The following RNF40 variants were observed in gnomAD, a reference collection of about 807,000 sequenced individuals.
RNF40 encodes the protein E3 ubiquitin-protein ligase BRE1B.
In RNF40, 39 loss-of-function variants were observed where a neutral mutation model predicts 123.3. The observed-to-expected ratio is 0.32, with a 90% CI of 0.24 to 0.41. RNF40 has a LOEUF of 0.41. Ranked by LOEUF, RNF40 falls within the 10% of genes least tolerant of loss-of-function variation. The pLI is 1.00. For synonymous variants in RNF40, 538 were observed against 526.0 expected, an observed-to-expected ratio of 1.02 and a Z score of -0.31; for missense variants, 1,003 against 1,319.9, an observed-to-expected ratio of 0.76 and a Z score of 3.72.
At position 30,768,226 on chromosome 16, in the gene RNF40, G is replaced by T; in HGVS notation, c.1675G>T (p.Asp559Tyr). The T allele has an allele frequency of 6.2e-7, 1 of 1,613,790 alleles. No individual in the cohort carries two copies. Among genetic ancestry groups the T allele is most frequent in the Non-Finnish European group, 8.5e-7 (1 of 1,180,020 alleles). ...EGGPGPVSTP[D>Y]NRKEMAPVPG... ...TGGGCCAGGCCCTGTCAGTACCCCCGACAACAGAAAGGAGATGGCTCCAGT... is the reference window on the plus strand; with the variant it reads ...TGGGCCAGGCCCTGTCAGTACCCCCTACAACAGAAAGGAGATGGCTCCAGT... The change falls in exon 13 of 20, where the codon GAC becomes TAC. Residue 559 changes from aspartate (D) to tyrosine (Y), a missense_variant. This residue lies in a region of RNF40 where 295 missense variants were observed against 331.7 expected (regional missense o/e 0.89). Transcript: ENST00000324685. The surrounding 1 kb of genome is among the most constrained non-coding windows in gnomAD (Gnocchi z 4.1).
At chr16:30,761,859 GC>G (rs1263393100), upstream of RNF40, 2 of 1,065,762 alleles carry the variant, frequency 1.9e-6, no homozygotes, top group South Asian at 3.5e-5. Flanking sequence ...CCTCGCTCCG[GC>G]CAATCTACGC....
At chr16:30,765,103 G>C in intron 6 of RNF40, 44 bp downstream of exon 6, 1 of 1,611,658 alleles carries the variant, frequency 6.2e-7, no homozygotes, top group South Asian at 1.1e-5. Context: ...AATCAGGCAG[G>C]ATTTGGGTTA....
intron 17 of RNF40, among the ~76,000 whole-genome samples, chr16:30,771,402 G>A (rs1382468342): frequency 6.6e-6 from 1 of 151,976 alleles, no homozygotes; most frequent in Non-Finnish European, 1.5e-5. Flanking sequence ...CAGATCATGA[G>A]GTCAGGAGAT....
At chr16:30,765,622 T>C in intron 8 of RNF40, 123 bp downstream of exon 8, 2 of 823,852 alleles carry the variant, frequency 2.4e-6, no homozygotes, top group East Asian at 2.7e-5. Context: ...CCTGCTGCTC[T>C]TTTTTTCATG....
At chr16:30,765,597 C>A (rs2054013634) in intron 8 of RNF40, 98 bp downstream of exon 8, 4 of 1,089,114 alleles carry the variant, frequency 3.7e-6, no homozygotes, top group Admixed American at 4.1e-5. Context: ...ATCTCTGAGG[C>A]CCTTCCTGGT....
At chr16:30,770,145 C>T (rs954143650) in intron 17 of RNF40, among the ~76,000 whole-genome samples, 2 of 4,182 alleles carry the variant, frequency 4.8e-4, no homozygotes, top group Admixed American at 4.5e-3. Flanking sequence ...CTTGTTCTGT[C>T]GCCCGGGCTG....
intron 17 of RNF40, among the ~76,000 whole-genome samples, chr16:30,770,970 A>G (rs8056105): frequency 0.97 from 147,121 of 152,192 alleles, 71,264 homozygotes; most frequent in Middle Eastern, 1. Context: ...TTGGCCTCCC[A>G]AAGTGTTGGG....
At position 30,770,476 on chromosome 16, in the gene RNF40, C is replaced by T. The variant is rs1416052044; in HGVS notation, c.2586+876C>T. Reference sequence around the variant, plus strand: ...GCTCAGGGAGGTGGATTGTTCTGCTCAAGAGGGAGTGGCCCTAATATTTGG... The same window carrying T: ...GCTCAGGGAGGTGGATTGTTCTGCTTAAGAGGGAGTGGCCCTAATATTTGG... On this transcript the variant is annotated intron_variant, in intron 17 of 19. Coordinates refer to ENST00000324685, the MANE Select transcript of RNF40 (RefSeq NM_014771.4). Among the ~76,000 whole-genome samples the T allele has an allele frequency of 8.5e-5, 13 of 152,258 alleles. 1 individual carries two copies. In the South Asian group the frequency reaches 2.5e-3, roughly 29 times the overall value.
At chr16:30,771,767 C>A in intron 17 of RNF40, 66 bp from the exon 18 acceptor site, 1 of 1,490,546 alleles carries the variant, frequency 6.7e-7, no homozygotes, top group Non-Finnish European at 9.0e-7. Context: ...ATTGGTGGGC[C>A]GTGACTCCAC....
chr16:30,767,949 C>T lies in RNF40; in HGVS notation c.1485C>T (p.His495=). The part of the protein sequence containing the change: ...HLISSLQNHN[H]QLKGDAQRYK... ...TTAGTAGTCTTCAAAACCACAACCA[C>T]CAGCTAAAAGGGGACGCCCAGCGAT... The change falls in exon 12 of 20, where the codon CAC becomes CAT. Residue 495 remains histidine, a synonymous_variant. Coordinates refer to ENST00000324685, the MANE Select transcript of RNF40 (RefSeq NM_014771.4). 1 of 1,614,184 alleles carries T rather than the reference C, an allele frequency of 6.2e-7. No homozygotes were observed. Among genetic ancestry groups the T allele is most frequent in the Non-Finnish European group, 8.5e-7 (1 of 1,180,030 alleles).
At position 30,775,528 on chromosome 16, in the gene RNF40, C is replaced by G. The variant is rs923323469; in HGVS notation, c.*1414C>G. 2 of 170,072 alleles carry G rather than the reference C, an allele frequency of 1.2e-5. No homozygotes were observed. The highest frequency in any genetic ancestry group is 1.7e-4 in the East Asian group (1 of 5,730). 10.5% of individuals were successfully genotyped at this position (170,072 alleles called of 1,614,324 possible). On this transcript the variant is annotated 3_prime_UTR_variant, in exon 20 of 20. Coordinates refer to ENST00000324685, the MANE Select transcript of RNF40 (RefSeq NM_014771.4). ...CCCGGTTGCGCTGGCCAAAGGCCGG[C>G]CTGAACTGGATCCTGCGGACCGCTT... is the stretch of plus-strand genomic sequence containing the variant.
rs772311842 is a variant in RNF40 at position 30,763,540 on chromosome 16, G to T, written c.423G>T (p.Pro141=). 6.2e-7 allele frequency: 1 copy of T among 1,614,114 alleles called. No homozygotes were observed. The highest frequency in any genetic ancestry group is 1.7e-5 in the Admixed American group (1 of 60,024). ...PTCDGTPLPE[P]GTSELRDPLL... is the part of the protein sequence containing the mutation. ...GTGATGGGACTCCTCTCCCAGAGCC[G>T]GGGACATCAGAGCTGAGAGGTAGGA... is the stretch of plus-strand genomic sequence containing the variant. The change falls in exon 4 of 20, where the codon CCG becomes CCT. Residue 141 remains proline, a synonymous_variant. Coordinates refer to ENST00000324685, the MANE Select transcript of RNF40 (RefSeq NM_014771.4).
intron 11 of RNF40, 68 bp from the exon 12 acceptor site, chr16:30,767,826 C>T: frequency 1.9e-6 from 3 of 1,609,264 alleles, no homozygotes; most frequent in Non-Finnish European, 2.6e-6. Context: ...GCCTCTTACC[C>T]CACTGAGGGG....
At chr16:30,769,966 G>T (rs945386193) in intron 17 of RNF40, among the ~76,000 whole-genome samples, 2 of 151,972 alleles carry the variant, frequency 1.3e-5, no homozygotes, top group African/African-American at 4.8e-5. Context: ...GGGTGTGCTG[G>T]TGCACGCCTG....
chr16:30,768,345 C>G lies in RNF40; in HGVS notation c.1794C>G (p.Gly598=). The part of the protein sequence containing the change: ...DFQGITPGAQ[G]PSSRGREPEA... Reference sequence around the variant, plus strand: ...AGGGTATAACCCCTGGGGCCCAGGGCCCTTCCTCCCGGGGCCGAGAACCTG... The same window carrying G: ...AGGGTATAACCCCTGGGGCCCAGGGGCCTTCCTCCCGGGGCCGAGAACCTG... The change falls in exon 13 of 20, where the codon GGC becomes GGG. Residue 598 remains glycine, a synonymous_variant. Coordinates refer to ENST00000324685, the MANE Select transcript of RNF40 (RefSeq NM_014771.4). This position sits in a 1 kb window ranked among gnomAD's most constrained non-coding sequence, Gnocchi z 4.1. 6.2e-7 allele frequency: 1 copy of G among 1,612,890 alleles called. No individual in the cohort carries two copies. Among genetic ancestry groups the G allele is most frequent in the Non-Finnish European group, 8.5e-7 (1 of 1,179,604 alleles).
In RNF40 at chr16:30,766,036, T is replaced by G; in HGVS notation, c.994-127T>G. On this transcript the variant is annotated intron_variant, in intron 8 of 19. Transcript: ENST00000324685. This position sits in a 1 kb window ranked among gnomAD's most constrained non-coding sequence, Gnocchi z 5.4. The stretch of plus-strand genomic sequence containing the variant: ...TGGGAGCCCTTAGGAAAGTACTTGG[T>G]TTGGGGTGTCAGAATCGATCATTGC... 1.5e-6 allele frequency: 2 copies of G among 1,329,958 alleles called. No homozygotes were observed. The highest frequency in any genetic ancestry group is 2.1e-6 in the Non-Finnish European group (2 of 946,140). 82.4% of individuals were successfully genotyped at this position (1,329,958 alleles called of 1,614,324 possible). A position where few individuals can be genotyped will look rare whatever the true frequency, so the allele number is the denominator to read the frequency against.
chr16:30,772,350 C>T (rs1317554853), intron 19 of RNF40, 160 bp downstream of exon 19: 5 of 718,982 alleles, frequency 7.0e-6, no homozygotes, highest in Non-Finnish European at 1.0e-5. Flanking sequence ...TGTACATGTA[C>T]TGTGAGCCAG....
intron 19 of RNF40, chr16:30,772,427 C>CT (rs1443951311): frequency 4.9e-6 from 3 of 613,436 alleles, no homozygotes; most frequent in Non-Finnish European, 9.0e-6. Context: ...CTTCTTGAAA[C>CT]TGACAGTCAG....
At position 30,771,929 on chromosome 16, in the gene RNF40, C is replaced by T. The variant is rs763816014; in HGVS notation, c.2683C>T (p.Arg895Trp). ...REIQPCLAES[R>W]AAREKESFNL... ...GATCCAGCCCTGCCTGGCAGAGAGCCGGGCTGCTCGTGAGAAAGAGAGCTT... is the reference window on the plus strand; with the variant it reads ...GATCCAGCCCTGCCTGGCAGAGAGCTGGGCTGCTCGTGAGAAAGAGAGCTT... The change falls in exon 18 of 20, where the codon CGG becomes TGG. Residue 895 changes from arginine to tryptophan, a missense_variant. Physicochemically the swap from Arg to Trp is moderately radical, Grantham distance 101 (BLOSUM62 -3). This residue lies in a region of RNF40 where 121 missense variants were observed against 125.3 expected (regional missense o/e 0.97). Coordinates refer to ENST00000324685, the MANE Select transcript of RNF40 (RefSeq NM_014771.4). 14 of 1,604,570 alleles carry T rather than the reference C, an allele frequency of 8.7e-6. No homozygotes were observed. In the African/African-American group the frequency reaches 1.2e-4, roughly 14 times the overall value.
Sources: gnomAD v4.1 joint callset for allele counts (sites outside exome capture counted in the v4.1 genomes callset) on GRCh38, gnomAD v4.1.1 for gene constraint, gnomAD v4.1.1 regional missense constraint, Gnocchi (gnomAD v3.1) non-coding constraint, MANE v1.5 for transcripts, NCBI Gene and HGNC (gene_info 2026-07-23, HGNC 2026-07-21) for gene names.